NLK: variants seen among roughly 807,000 people sequenced by gnomAD.
The protein encoded by NLK is nemo like kinase.
A neutral mutation model predicts 59.0 loss-of-function variants in NLK; 11 were observed. That is an observed-to-expected ratio of 0.19 (90% CI 0.12 to 0.31). The LOEUF (loss-of-function observed/expected upper bound fraction) is 0.31. Among genes scored for constraint, NLK ranks in the 10% least tolerant of loss-of-function variants. NLK has a pLI of 1.00. For synonymous variants in NLK, 235 were observed against 235.9 expected, an observed-to-expected ratio of 1.00 and a Z score of 0.03; for missense variants, 410 against 661.1, an observed-to-expected ratio of 0.62 and a Z score of 4.16.
chr17:28,196,433 C>T (rs1040424122), downstream of NLK: 3 of 152,504 alleles, frequency 2.0e-5, no homozygotes, highest in African/African-American at 7.2e-5. Context: ...CTCTTCAGTA[C>T]AGCTCGTATC....
intron 1 of NLK, among the ~76,000 whole-genome samples, chr17:28,105,764 T>A (rs999256811): frequency 1.3e-5 from 2 of 152,202 alleles, no homozygotes; most frequent in Non-Finnish European, 2.9e-5. Flanking sequence ...CTTTTGAGCC[T>A]ACCTCCATTT....
intron 1 of NLK, chr17:28,062,012 C>T (rs1242161850): frequency 3.3e-5 from 5 of 149,808 alleles, no homozygotes; most frequent in Non-Finnish European, 7.4e-5. Context: ...CTGGACTTTC[C>T]ATCCATCTAA....
Position 28,168,566 on chromosome 17 carries a change from G to A in NLK, c.956G>A (p.Ser319Asn). The change falls in exon 6 of 11, where the codon AGC becomes AAC. Residue 319 changes from serine (S) to asparagine (N), a missense_variant. Physicochemically the swap from Ser to Asn is conservative, Grantham distance 46. Around this residue, in one of 5 missense-constraint regions of NLK, gnomAD observed 150 missense variants for 244.3 expected, o/e 0.61. Transcript: ENST00000407008. ...ATCCTGATGGGCAGCCGTCATTACA[G>A]CAATGCTATTGACATCTGGTCTGTG... ...PEILMGSRHY[S>N]NAIDIWSVGC... 6.2e-7 allele frequency: 1 copy of A among 1,613,432 alleles called. No homozygotes were observed. Among genetic ancestry groups the A allele is most frequent in the Non-Finnish European group, 8.5e-7 (1 of 1,179,380 alleles).
At chr17:28,197,729 T>G (rs778154309), downstream of NLK, among the ~76,000 whole-genome samples, 44 of 143,346 alleles carry the variant, frequency 3.1e-4, no homozygotes, top group African/African-American at 9.6e-4. Flanking sequence ...AGAATTTTTG[T>G]TTTTTTTTGT....
At chr17:28,087,671 G>A (rs1378437115) in intron 1 of NLK, among the ~76,000 whole-genome samples, 2 of 151,932 alleles carry the variant, frequency 1.3e-5, no homozygotes, top group Non-Finnish European at 2.9e-5. Flanking sequence ...TAGAAACAGG[G>A]ATTGGGCTTT....
At chr17:28,097,870 G>T (rs997391515) in intron 1 of NLK, among the ~76,000 whole-genome samples, 1 of 152,120 alleles carries the variant, frequency 6.6e-6, no homozygotes, top group Non-Finnish European at 1.5e-5. Flanking sequence ...TTACGTTACA[G>T]TGTGGGTTTA....
intron 1 of NLK, among the ~76,000 whole-genome samples, chr17:28,112,321 C>G (rs1905558881): frequency 6.6e-6 from 1 of 152,034 alleles, no homozygotes; most frequent in African/African-American, 2.4e-5. Context: ...TTTGCCCTCC[C>G]CTTCAAATCA....
At chr17:28,060,246 G>T (rs1010429104) in intron 1 of NLK, among the ~76,000 whole-genome samples, 1 of 152,050 alleles carries the variant, frequency 6.6e-6, no homozygotes, top group Non-Finnish European at 1.5e-5. Context: ...TATAATCTTG[G>T]AGGGAAAGAC....
the NLK span, among the ~76,000 whole-genome samples, chr17:28,203,156 T>TACACACACACACACACACAC: frequency 3.1e-5 from 4 of 129,352 alleles, no homozygotes; most frequent in African/African-American, 1.4e-4. Context: ...TGAATGTATA[T>TACACACACACACACACACAC]ACATACATAC....
intron 3 of NLK, among the ~76,000 whole-genome samples, chr17:28,153,918 A>C (rs1437214790): frequency 6.6e-6 from 1 of 152,232 alleles, no homozygotes; most frequent in Non-Finnish European, 1.5e-5. Flanking sequence ...ACCCTAGTAG[A>C]AAATTGAGCA....
Position 28,185,275 on chromosome 17 carries a change from G to A in NLK, c.1236+10G>A. ...GTTGGTCTTTGATCCAGTAAGTAGT[G>A]TTTTTTTTTATATATTTTTAATGAA... On this transcript the variant is annotated intron_variant, in intron 8 of 10. Transcript: ENST00000407008. 1 of 1,477,378 alleles carries A rather than the reference G, an allele frequency of 6.8e-7. No individual in the cohort carries two copies. Among genetic ancestry groups the A allele is most frequent in the Non-Finnish European group, 9.2e-7 (1 of 1,091,874 alleles). The allele number at this position is 1,477,378 out of a possible 1,614,324, so 91.5% of individuals were successfully genotyped here.
At chr17:28,064,566 T>TA (rs1405315124) in intron 1 of NLK, among the ~76,000 whole-genome samples, 1 of 152,248 alleles carries the variant, frequency 6.6e-6, no homozygotes, top group Admixed American at 6.5e-5. Flanking sequence ...CATTATTTTT[T>TA]AAAAAAAGTT....
intron 1 of NLK, among the ~76,000 whole-genome samples, chr17:28,119,243 G>T (rs1905912552): frequency 6.6e-6 from 1 of 152,166 alleles, no homozygotes; most frequent in South Asian, 2.1e-4. Flanking sequence ...CTCAAGTTAA[G>T]AGAGAACAAA....
chr17:28,150,319 T>C (rs1907429209), intron 3 of NLK, among the ~76,000 whole-genome samples: 2 of 152,154 alleles, frequency 1.3e-5, no homozygotes. Context: ...AACCTGCTTA[T>C]GGTGGTGATA....
intron 1 of NLK, among the ~76,000 whole-genome samples, chr17:28,063,963 G>A (rs948252053): frequency 6.6e-6 from 1 of 152,136 alleles, no homozygotes; most frequent in Non-Finnish European, 1.5e-5. Flanking sequence ...TGTGATTTCA[G>A]TTCAGTAGTT....
intron 3 of NLK, among the ~76,000 whole-genome samples, chr17:28,147,043 C>T (rs1291737757): frequency 6.6e-6 from 1 of 152,148 alleles, no homozygotes; most frequent in Non-Finnish European, 1.5e-5. Flanking sequence ...CTTTTTGCAC[C>T]TTCTTGCCCT....
At chr17:28,076,481 T>C (rs963866846) in intron 1 of NLK, among the ~76,000 whole-genome samples, 14 of 152,186 alleles carry the variant, frequency 9.2e-5, no homozygotes, top group Non-Finnish European at 1.8e-4. Flanking sequence ...TCCCACTTCC[T>C]AATACCATCA....
At chr17:28,166,979 A>T (rs901327102) in intron 5 of NLK, among the ~76,000 whole-genome samples, 7 of 152,208 alleles carry the variant, frequency 4.6e-5, no homozygotes, top group African/African-American at 1.7e-4. Flanking sequence ...ACATATTTAT[A>T]CATTTGAGTA....
At chr17:28,081,970 T>C (rs1359519679) in intron 1 of NLK, among the ~76,000 whole-genome samples, 2 of 152,240 alleles carry the variant, frequency 1.3e-5, no homozygotes, top group Non-Finnish European at 2.9e-5. Context: ...CTCGGATCAC[T>C]GTAACCTCTA....
Sources: gnomAD v4.1 joint callset for allele counts (sites outside exome capture counted in the v4.1 genomes callset) on GRCh38, gnomAD v4.1.1 for gene constraint, gnomAD v4.1.1 regional missense constraint, MANE v1.5 for transcripts, NCBI Gene and HGNC (gene_info 2026-07-23, HGNC 2026-07-21) for gene names.